The following ASS1 variants were observed in gnomAD, a reference collection of about 807,000 sequenced individuals.
ASS1 encodes the protein argininosuccinate synthase.
Under a neutral mutation model 60.5 loss-of-function variants are expected in ASS1, and 58 were observed. That is an observed-to-expected ratio of 0.96 (90% CI 0.78 to 1.19). The LOEUF is 1.19. Ranked by LOEUF, ASS1 falls within the 50% of genes most tolerant of loss-of-function variation. The pLI is 0.00. For synonymous variants in ASS1, 200 were observed against 206.9 expected, an observed-to-expected ratio of 0.97 and a Z score of 0.29; for missense variants, 454 against 547.3, an observed-to-expected ratio of 0.83 and a Z score of 1.70.
chr9:130,452,237 CA>C lies in ASS1; in HGVS notation c.12del (p.Gly5AlafsTer20). On this transcript the variant is annotated frameshift_variant, in exon 2 of 15. Coordinates refer to ENST00000352480, the MANE Select transcript of ASS1 (RefSeq NM_054012.4). LOFTEE classifies it high-confidence loss of function. The part of the protein sequence containing the change: MSS[K>X]GSVVLAYSGG... ...GACTCCCGCCAGACGCTATGTCCAG[CA>C]AAGGCTCCGTGGTTCTGGCCTACAG... 1 of 1,614,226 alleles carries C rather than the reference CA, an allele frequency of 6.2e-7. No individual in the cohort carries two copies. The highest frequency in any genetic ancestry group is 8.5e-7 in the Non-Finnish European group (1 of 1,180,034).
chr9:130,471,659 C>T lies in ASS1; in HGVS notation c.597+144C>T, dbSNP rs992899479. On this transcript the variant is annotated intron_variant, in intron 8 of 14. Transcript: ENST00000352480. Reference sequence around the variant, plus strand: ...GCTGGGGCCGAGCCCTGCCTGTGTTCCCCGACCCCCGCACTGGCCCCCCTC... The same window carrying T: ...GCTGGGGCCGAGCCCTGCCTGTGTTTCCCGACCCCCGCACTGGCCCCCCTC... The T allele has an allele frequency of 1.7e-5, 16 of 944,772 alleles. No individual in the cohort carries two copies. The African/African-American group carries it at 1.8e-4, about 10-fold the overall frequency. The allele number at this position is 944,772 out of a possible 1,614,324, so 58.5% of individuals were successfully genotyped here.
chr9:130,469,916 G>A (rs1446235471), intron 6 of ASS1, among the ~76,000 whole-genome samples: 1 of 152,120 alleles, frequency 6.6e-6, no homozygotes, highest in Non-Finnish European at 1.5e-5. Flanking sequence ...GGCTGAAGGG[G>A]CTCAGAGGCA....
chr9:130,480,934 G>A (rs892046984), intron 11 of ASS1, among the ~76,000 whole-genome samples: 6 of 152,254 alleles, frequency 3.9e-5, no homozygotes, highest in Non-Finnish European at 8.8e-5. Context: ...CATCAGGCAC[G>A]GCTCACTGGC....
intron 3 of ASS1, 39 bp downstream of exon 3, chr9:130,454,412 G>A: frequency 6.3e-7 from 1 of 1,597,472 alleles, no homozygotes; most frequent in South Asian, 1.1e-5. Context: ...TGGGAGTGGG[G>A]CGGTGATGTG....
At chr9:130,464,686 C>T (rs1227116238) in intron 5 of ASS1, among the ~76,000 whole-genome samples, 1 of 152,140 alleles carries the variant, frequency 6.6e-6, no homozygotes, top group Non-Finnish European at 1.5e-5. Context: ...GATCTCAGGG[C>T]CTCAACCGCC....
intron 1 of ASS1, chr9:130,451,657 T>C (rs558730359): frequency 4.4e-4 from 159 of 362,190 alleles, no homozygotes; most frequent in African/African-American, 3.1e-3. Context: ...CTCTGTGACC[T>C]TGAGCCTGCC....
In ASS1 at chr9:130,448,236, G is replaced by T. The variant is rs183090514; in HGVS notation, c.-6+3241G>T. On this transcript the variant is annotated intron_variant, in intron 1 of 14. Coordinates refer to ENST00000352480, the MANE Select transcript of ASS1 (RefSeq NM_054012.4). ...GCAGGAGCAACGCTGCTGTCTGATT[G>T]CATCATTTTCCCAAGCCCATCTGCC... Among the ~76,000 whole-genome samples the T allele has an allele frequency of 1.5e-3, 232 of 152,102 alleles. 1 individual carries two copies. Among genetic ancestry groups the T allele is most frequent in the African/African-American group, 5.3e-3 (218 of 41,490 alleles).
chr9:130,501,221 C>T lies in ASS1; in HGVS notation c.*200C>T, dbSNP rs938457344. The stretch of plus-strand genomic sequence containing the variant: ...CGAAGGGAAGGGTGGGGGGCAGCTG[C>T]GGTGGGGAGCTATAAAAATGACAAT... On this transcript the variant is annotated 3_prime_UTR_variant, in exon 15 of 15. Coordinates refer to ENST00000352480, the MANE Select transcript of ASS1 (RefSeq NM_054012.4). The T allele has an allele frequency of 6.8e-6, 4 of 587,260 alleles. No individual in the cohort carries two copies. Among genetic ancestry groups the T allele is most frequent in the Non-Finnish European group, 9.1e-6 (3 of 330,208 alleles). The allele number at this position is 587,260 out of a possible 1,614,324, so 36.4% of individuals were successfully genotyped here. A position where few individuals can be genotyped will look rare whatever the true frequency, so the allele number is the denominator to read the frequency against.
At chr9:130,468,214 G>A (rs748672612) in intron 6 of ASS1, among the ~76,000 whole-genome samples, 1 of 152,148 alleles carries the variant, frequency 6.6e-6, no homozygotes, top group Non-Finnish European at 1.5e-5. Context: ...AGCCAGGCAG[G>A]ATCTGAGATG....
chr9:130,457,714 C>T (rs1159480018), intron 3 of ASS1, among the ~76,000 whole-genome samples: 1 of 152,154 alleles, frequency 6.6e-6, no homozygotes, highest in Admixed American at 6.5e-5. Flanking sequence ...TCTCCAGATA[C>T]TTCCAAATGC....
Position 130,478,717 on chromosome 9 carries a change from A to C in ASS1, c.689-999A>C, listed in dbSNP as rs1351966279. Among the ~76,000 whole-genome samples the C allele has an allele frequency of 1.3e-5, 2 of 152,204 alleles. No individual in the cohort carries two copies. Among genetic ancestry groups the C allele is most frequent in the Non-Finnish European group, 2.9e-5 (2 of 67,998 alleles). ...GGACCGGGGAGGGAGAGAAAGGGAG[A>C]GAGGAGAGGCGGGGGGTGGTGAGAG... On this transcript the variant is annotated intron_variant, in intron 9 of 14. Coordinates refer to ENST00000352480, the MANE Select transcript of ASS1 (RefSeq NM_054012.4). The surrounding 1 kb of genome is among the most constrained non-coding windows in gnomAD (Gnocchi z 4.7).
At chr9:130,445,389 G>A (rs1250081912) in intron 1 of ASS1, among the ~76,000 whole-genome samples, 1 of 152,190 alleles carries the variant, frequency 6.6e-6, no homozygotes, top group South Asian at 2.1e-4. Context: ...GTGTGGGGGG[G>A]CTCCCGATTC....
intron 1 of ASS1, chr9:130,445,223 CG>C (rs1845166794): frequency 4.4e-5 from 1 of 22,576 alleles, no homozygotes; most frequent in Non-Finnish European, 5.6e-5. Context: ...GGGGACGCGG[CG>C]GGGGCGCGAG....
chr9:130,493,486 C>A (rs556964659), intron 12 of ASS1, among the ~76,000 whole-genome samples: 2 of 152,280 alleles, frequency 1.3e-5, no homozygotes, highest in South Asian at 4.1e-4. Context: ...GACTCAACCT[C>A]TACTCTCCGT....
chr9:130,467,251 G>A (rs1413649136), intron 6 of ASS1, among the ~76,000 whole-genome samples: 1 of 152,194 alleles, frequency 6.6e-6, no homozygotes, highest in Non-Finnish European at 1.5e-5. Flanking sequence ...CTTTCCCCGG[G>A]AACAGGTAGG....
intron 1 of ASS1, among the ~76,000 whole-genome samples, chr9:130,449,176 C>CA (rs1845268310): frequency 4.6e-5 from 7 of 151,872 alleles, no homozygotes; most frequent in Admixed American, 4.6e-4. Context: ...ACAAAAAATA[C>CA]AAAAATTAGG....
In ASS1 at chr9:130,476,577, T is replaced by G; in HGVS notation, c.598-294T>G. 1 of 531,740 alleles carries G rather than the reference T, an allele frequency of 1.9e-6. No homozygotes were observed. The highest frequency in any genetic ancestry group is 3.4e-6 in the Non-Finnish European group (1 of 293,408). 32.9% of individuals were successfully genotyped at this position (531,740 alleles called of 1,614,324 possible). Reference sequence around the variant, plus strand: ...GCTCCTCCAAAGTCACACTTTTTCCTGCCTGACTTGTTCCTCTCCAGCTAT... The same window carrying G: ...GCTCCTCCAAAGTCACACTTTTTCCGGCCTGACTTGTTCCTCTCCAGCTAT... On this transcript the variant is annotated intron_variant, in intron 8 of 14. Coordinates refer to ENST00000352480, the MANE Select transcript of ASS1 (RefSeq NM_054012.4). The surrounding 1 kb of genome is among the most constrained non-coding windows in gnomAD (Gnocchi z 4.9).
intron 3 of ASS1, among the ~76,000 whole-genome samples, chr9:130,456,038 C>T (rs915852996): frequency 1.3e-5 from 2 of 152,216 alleles, no homozygotes; most frequent in Non-Finnish European, 2.9e-5. Context: ...CTTTCAGCAG[C>T]GCAGGAGCAG....
At position 130,477,665 on chromosome 9, in the gene ASS1, TGGGCTCAGAGGGA is replaced by T. The variant is rs1008541855; in HGVS notation, c.688+717_688+729del. The stretch of plus-strand genomic sequence containing the variant: ...GATGGAGAAGCGAGGCATGCCCGCC[TGGGCTCAGAGGGA>T]GGGCTCAGAGGGCGGGCTCAGAGGG... On this transcript the variant is annotated intron_variant, in intron 9 of 14. Transcript: ENST00000352480. The surrounding 1 kb of genome is among the most constrained non-coding windows in gnomAD (Gnocchi z 4.2). 5.9e-5 allele frequency among the ~76,000 whole-genome samples: 9 copies of T among 152,310 alleles called. No individual in the cohort carries two copies. Among genetic ancestry groups the T allele is most frequent in the Non-Finnish European group, 8.8e-5 (6 of 68,020 alleles).
Sources: allele counts gnomAD v4.1 joint callset (sites outside exome capture counted in the v4.1 genomes callset), GRCh38; gene constraint gnomAD v4.1.1; non-coding constraint Gnocchi (gnomAD v3.1); transcripts MANE v1.5; gene names NCBI Gene and HGNC (gene_info 2026-07-23, HGNC 2026-07-21).